TNS1: variants seen among roughly 807,000 people sequenced by gnomAD.
TNS1 encodes tensin-1.
TNS1 carries 62 observed loss-of-function variants against 168.6 expected under a neutral mutation model. The observed-to-expected ratio is 0.37, with a 90% confidence interval of 0.30 to 0.45. The LOEUF (loss-of-function observed/expected upper bound fraction) is 0.45, where lower values mean the gene tolerates loss of function less well. Among genes scored for constraint, TNS1 ranks in the 20% least tolerant of loss-of-function variants. The pLI, the probability that TNS1 is intolerant of heterozygous loss-of-function variation, is 1.00. For missense variants in TNS1, 2,240 were observed against 2,339.4 expected, an observed-to-expected ratio of 0.96 and a Z score of 0.88; for synonymous variants, 934 against 933.2, an observed-to-expected ratio of 1.00 and a Z score of -0.02.
chr2:217,976,610 T>G (rs3791882), intron 3 of TNS1, among the ~76,000 whole-genome samples: 44,460 of 151,908 alleles, frequency 0.29, 7,057 homozygotes, highest in East Asian at 0.52. Context: ...CCTGGTGCAT[T>G]CTGAGCCCCC....
At chr2:218,015,396 T>C (rs1958748551), upstream of TNS1, among the ~76,000 whole-genome samples, 1 of 152,028 alleles carries the variant, frequency 6.6e-6, no homozygotes, top group East Asian at 1.9e-4. Context: ...TCTCCTTTCA[T>C]AGATATCCCA....
chr2:218,002,013 A>G (rs1165839877), intron 1 of TNS1, among the ~76,000 whole-genome samples: 1 of 152,060 alleles, frequency 6.6e-6, no homozygotes, highest in African/African-American at 2.4e-5. Context: ...ACAGCCCCAC[A>G]GGAGCCCCTC....
In TNS1 at chr2:217,836,076, T is replaced by A. The variant is rs780098748; in HGVS notation, c.3143A>T (p.Gln1048Leu). Reference sequence around the variant, plus strand: ...AAGAGCCAGCTCCGGGGAGACACACTGGACAGGGGAGCGAACCCCAGGGCT... The same window carrying A: ...AAGAGCCAGCTCCGGGGAGACACACAGGACAGGGGAGCGAACCCCAGGGCT... The part of the protein sequence containing the change: ...PRSPGVRSPV[Q>L]CVSPELALTI... The change falls in exon 20 of 33, where the codon CAG (glutamine) becomes CTG (leucine). Residue 1048 changes from glutamine to leucine, a missense_variant. By Grantham distance (113) the Gln-to-Leu change is moderately radical. This residue lies in a region of TNS1 where 2,131 missense variants were observed against 2,171.2 expected (regional missense o/e 0.98). Coordinates refer to ENST00000682258, the MANE Select transcript of TNS1 (RefSeq NM_001387777.1). The A allele has an allele frequency of 6.2e-7, 1 of 1,614,012 alleles. No individual in the cohort carries two copies. The highest frequency in any genetic ancestry group is 8.5e-7 in the Non-Finnish European group (1 of 1,179,948).
intron 1 of TNS1, among the ~76,000 whole-genome samples, chr2:218,023,023 C>T (rs1010544115): frequency 1.1e-4 from 16 of 152,192 alleles, no homozygotes; most frequent in African/African-American, 1.4e-4. Flanking sequence ...CGTGGCCTCA[C>T]GTCTGGCTGG....
intron 18 of TNS1, among the ~76,000 whole-genome samples, chr2:217,855,320 G>A (rs115753744): frequency 0.037 from 5,615 of 152,146 alleles, 132 homozygotes; most frequent in South Asian, 0.055. Flanking sequence ...CATCCTGCCC[G>A]TGAAACTCCC....
intron 19 of TNS1, among the ~76,000 whole-genome samples, chr2:217,839,369 G>A (rs1945626354): frequency 1.3e-5 from 2 of 152,120 alleles, no homozygotes. Context: ...CTGCCAGGAT[G>A]AGCAGTTATC....
chr2:217,953,232 A>T (rs1044974673), intron 3 of TNS1, among the ~76,000 whole-genome samples: 9 of 152,180 alleles, frequency 5.9e-5, no homozygotes, highest in African/African-American at 2.2e-4. Context: ...CCATTAGATG[A>T]TCCTAGCAGA....
At chr2:217,858,311 TCAGA>T (rs1387510360) in intron 18 of TNS1, among the ~76,000 whole-genome samples, 1 of 151,658 alleles carries the variant, frequency 6.6e-6, no homozygotes. Context: ...CACATCCACA[TCAGA>T]CAGCAGCACA....
At chr2:217,912,741 G>A (rs745565737) in intron 4 of TNS1, among the ~76,000 whole-genome samples, 4 of 152,184 alleles carry the variant, frequency 2.6e-5, no homozygotes, top group Non-Finnish European at 2.9e-5. Flanking sequence ...GCACGTTAGA[G>A]GTGCGGCCCC....
Position 217,927,626 on chromosome 2 carries a change from A to T in TNS1, c.187-7390T>A, listed in dbSNP as rs908475055. On this transcript the variant is annotated intron_variant, in intron 3 of 32. Coordinates refer to ENST00000682258, the MANE Select transcript of TNS1 (RefSeq NM_001387777.1). ...GGGGGAGAAGAGGACCCTATAACCC[A>T]GAGACAAGAGGCCATCAGGCACCCT... is the stretch of plus-strand genomic sequence containing the variant. Among the ~76,000 whole-genome samples the T allele has an allele frequency of 2.0e-5, 3 of 152,312 alleles. No homozygotes were observed. The East Asian group carries it at 5.8e-4, about 29-fold the overall frequency.
At chr2:218,010,210 TGGGCGCCTGGGGCGCGA>T (rs1958693379) in exon 1 of TNS1, 1 of 397,716 alleles carries the variant, frequency 2.5e-6, no homozygotes, top group Non-Finnish European at 4.4e-6. Context: ...ACCCCGAGAG[TGGGCGCCTGGGGCGCGA>T]GGGTCGGAAG....
chr2:218,030,964 T>G (rs1245496393), intron 1 of TNS1, among the ~76,000 whole-genome samples: 1 of 151,940 alleles, frequency 6.6e-6, no homozygotes, highest in Non-Finnish European at 1.5e-5. Flanking sequence ...TGTGTGAGCA[T>G]GTGTGTGAAC....
At chr2:217,830,141 T>C in intron 22 of TNS1, 1 of 451,230 alleles carries the variant, frequency 2.2e-6, no homozygotes, top group Non-Finnish European at 2.9e-6. Flanking sequence ...GAGGCATAGT[T>C]GAGTCCCCGG....
At chr2:217,949,755 GA>G (rs753806796) in intron 3 of TNS1, among the ~76,000 whole-genome samples, 2 of 151,662 alleles carry the variant, frequency 1.3e-5, no homozygotes, top group Non-Finnish European at 2.9e-5. Context: ...AAAAAGAAAA[GA>G]AAAGAAAAAA....
intron 3 of TNS1, among the ~76,000 whole-genome samples, chr2:217,938,879 A>G (rs1231380691): frequency 6.6e-6 from 1 of 152,154 alleles, no homozygotes; most frequent in Non-Finnish European, 1.5e-5. Context: ...AATTGCAGAG[A>G]GAGACAGAGT....
At chr2:217,997,948 T>C (rs1958500458) in intron 1 of TNS1, among the ~76,000 whole-genome samples, 1 of 152,236 alleles carries the variant, frequency 6.6e-6, no homozygotes. Context: ...TGGCCTCTGT[T>C]TTCTGTAGTG....
intron 4 of TNS1, among the ~76,000 whole-genome samples, chr2:217,915,673 A>C (rs1437685079): frequency 2.0e-5 from 3 of 152,214 alleles, no homozygotes; most frequent in African/African-American, 7.2e-5. Flanking sequence ...ATCACCCGGC[A>C]ACATCGGGTA....
In TNS1 at chr2:217,847,751, G is replaced by T. The variant is rs1946858361; in HGVS notation, c.2766C>A (p.Asp922Glu). Residue 922 changes from aspartate (D) to glutamate (E), a missense_variant, in exon 19 of 33, where the codon GAC becomes GAA. Coordinates refer to ENST00000682258, the MANE Select transcript of TNS1 (RefSeq NM_001387777.1). The stretch of plus-strand genomic sequence containing the variant: ...TAGGCCCAGCCAAACATGGCTGATA[G>T]TCATAAGGTGAGTAAGACCTGCCAG... Reference protein sequence around the residue: ...VPPGRSYSPYDYQPCLAGPNQ... With the variant: ...VPPGRSYSPYEYQPCLAGPNQ... 4 of 1,608,992 alleles carry T rather than the reference G, an allele frequency of 2.5e-6. No individual in the cohort carries two copies. The highest frequency in any genetic ancestry group is 2.6e-6 in the Non-Finnish European group (3 of 1,175,988).
At chr2:217,905,628 G>A (rs968472253) in intron 6 of TNS1, among the ~76,000 whole-genome samples, 4 of 152,216 alleles carry the variant, frequency 2.6e-5, no homozygotes, top group Non-Finnish European at 5.9e-5. Flanking sequence ...GAAGACGGAG[G>A]GGCCAGCACA....
Sources: gnomAD v4.1 joint callset for allele counts (sites outside exome capture counted in the v4.1 genomes callset) on GRCh38, gnomAD v4.1.1 for gene constraint, gnomAD v4.1.1 regional missense constraint, MANE v1.5 for transcripts, NCBI Gene and HGNC (gene_info 2026-07-23, HGNC 2026-07-21) for gene names.